Variants in TP63 observed in about 807,000 individuals in gnomAD.
The protein encoded by TP63 is tumor protein 63.
TP63 carries 17 observed loss-of-function variants against 82.8 expected under a neutral mutation model. The observed-to-expected ratio is 0.21, with a 90% confidence interval of 0.14 to 0.31. The LOEUF is 0.31. TP63 is among the 10% of genes least tolerant of loss of function. TP63 has a pLI of 1.00. For missense variants in TP63, 648 were observed against 895.3 expected (o/e 0.72, Z 3.52); for synonymous variants, 330 against 321.7 (o/e 1.03, Z -0.28).
chr3:189,710,772 G>T (rs1232268581), intron 1 of TP63, among the ~76,000 whole-genome samples: 5 of 152,122 alleles, frequency 3.3e-5, no homozygotes, highest in Non-Finnish European at 1.5e-5. Flanking sequence ...GACATGGGTT[G>T]CCAGATTTCC....
chr3:189,610,152 T>C, the TP63 span, among the ~76,000 whole-genome samples: 1 of 152,206 alleles, frequency 6.6e-6, no homozygotes, highest in South Asian at 2.1e-4. Context: ...TTTCAAATGC[T>C]TGTTGACTGC....
At chr3:189,644,437 C>A (rs966028902) in intron 1 of TP63, among the ~76,000 whole-genome samples, 2 of 152,092 alleles carry the variant, frequency 1.3e-5, no homozygotes, top group Admixed American at 1.3e-4. Context: ...TTCTGTTCAC[C>A]TACTAGACCC....
chr3:189,880,104 C>T lies in TP63; in HGVS notation c.1350-6290C>T, dbSNP rs369826042. ...CTTCAGGAATGAGCTTGTGGAGCCC[C>T]GGAGAGAAACTCCAAAACAATCTGA... is the stretch of plus-strand genomic sequence containing the variant. On this transcript the variant is annotated intron_variant, in intron 10 of 13. Transcript: ENST00000264731. 88 of 1,613,726 alleles carry T rather than the reference C, an allele frequency of 5.5e-5. No individual in the cohort carries two copies. Among genetic ancestry groups the T allele is most frequent in the Admixed American group, 6.7e-5 (4 of 59,992 alleles).
At position 189,716,032 on chromosome 3, in the gene TP63, C is replaced by T. The variant is rs116766046; in HGVS notation, c.63-21708C>T. ...AAAAACTATATACATCTCATTTACT[C>T]ATACAGCGATATAGCACATTAAATA... On this transcript the variant is annotated intron_variant, in intron 1 of 13. Coordinates refer to ENST00000264731, the MANE Select transcript of TP63 (RefSeq NM_003722.5). Among the ~76,000 whole-genome samples, 1,272 of 152,302 alleles carry T rather than the reference C, an allele frequency of 8.4e-3. 18 individuals carry two copies. The highest frequency in any genetic ancestry group is 0.028 in the African/African-American group (1,178 of 41,560).
intron 3 of TP63, among the ~76,000 whole-genome samples, chr3:189,754,822 A>G (rs974909208): frequency 5.9e-5 from 9 of 152,054 alleles, no homozygotes; most frequent in African/African-American, 2.2e-4. Context: ...TGCCATTATC[A>G]TCCTCCTTTT....
At chr3:189,840,359 C>CTTTTTTTTTTTTTTTTTTTTTTTTTTTTT in intron 4 of TP63, among the ~76,000 whole-genome samples, 9 of 44,442 alleles carry the variant, frequency 2.0e-4, no homozygotes, top group East Asian at 1.7e-3. Context: ...TGCTTTTCGT[C>CTTTTTTTTTTTTTTTTTTTTTTTTTTTTT]TTTTTTTTTT....
intron 1 of TP63, among the ~76,000 whole-genome samples, chr3:189,669,916 A>G (rs955453794): frequency 6.6e-6 from 1 of 152,074 alleles, no homozygotes; most frequent in Non-Finnish European, 1.5e-5. Flanking sequence ...GTAGGTTTAA[A>G]CATGGCTATA....
At chr3:189,744,195 G>A (rs188606264) in intron 3 of TP63, among the ~76,000 whole-genome samples, 1 of 152,074 alleles carries the variant, frequency 6.6e-6, no homozygotes. Flanking sequence ...CAACAGAGTA[G>A]CAGTGACACA....
In TP63 at chr3:189,754,940, A is replaced by T. The variant is rs567090197; in HGVS notation, c.324+16166A>T. Among the ~76,000 whole-genome samples the T allele has an allele frequency of 2.0e-5, 3 of 151,348 alleles. No individual in the cohort carries two copies. In the Admixed American group the frequency reaches 2.0e-4, roughly 10 times the overall value. On this transcript the variant is annotated intron_variant, in intron 3 of 13. Transcript: ENST00000264731. ...AAAACCGCTAAAATTCAGTGTAGGC[A>T]GATTTGATTAAAGGCTGCTGCTTTT...
intron 3 of TP63, among the ~76,000 whole-genome samples, chr3:189,803,331 G>A (rs531888472): frequency 6.6e-6 from 1 of 152,228 alleles, no homozygotes; most frequent in South Asian, 2.1e-4. Context: ...CAGATAAATT[G>A]GTGGAGAGAG....
the TP63 span, among the ~76,000 whole-genome samples, chr3:189,614,366 A>G: frequency 6.6e-6 from 1 of 152,134 alleles, no homozygotes; most frequent in African/African-American, 2.4e-5. Context: ...GCCTCCTGCC[A>G]TGATTCTGAG....
At chr3:189,620,715 G>C in the TP63 span, among the ~76,000 whole-genome samples, 2 of 152,172 alleles carry the variant, frequency 1.3e-5, no homozygotes, top group South Asian at 2.1e-4. Context: ...ACTAGGTTCA[G>C]TCCTTGGTTG....
chr3:189,656,882 T>G (rs1462171433), intron 1 of TP63, among the ~76,000 whole-genome samples: 2 of 152,068 alleles, frequency 1.3e-5, no homozygotes, highest in Non-Finnish European at 2.9e-5. Flanking sequence ...ACTTTATTAT[T>G]AGGGTTTGAA....
intron 9 of TP63, among the ~76,000 whole-genome samples, chr3:189,870,961 AT>A (rs908110165): frequency 6.6e-6 from 1 of 152,202 alleles, no homozygotes; most frequent in African/African-American, 2.4e-5. Flanking sequence ...CAGTAGACCA[AT>A]CAGACGGTGA....
intron 3 of TP63, among the ~76,000 whole-genome samples, chr3:189,757,075 A>G (rs1189315747): frequency 6.6e-6 from 1 of 152,204 alleles, no homozygotes; most frequent in Non-Finnish European, 1.5e-5. Context: ...ATATAGTTTC[A>G]ATCTGTAAAA....
At chr3:189,623,651 A>G in the TP63 span, among the ~76,000 whole-genome samples, 2 of 152,202 alleles carry the variant, frequency 1.3e-5, no homozygotes, top group Non-Finnish European at 2.9e-5. Flanking sequence ...AAGAATATTC[A>G]TGTTGAATCC....
the TP63 span, among the ~76,000 whole-genome samples, chr3:189,607,194 G>A: frequency 2.6e-5 from 4 of 152,300 alleles, no homozygotes; most frequent in Admixed American, 6.5e-5. Context: ...CTGAGAAGGC[G>A]TGAAGACTTA....
intron 5 of TP63, among the ~76,000 whole-genome samples, chr3:189,865,369 C>A (rs1052072075): frequency 6.6e-6 from 1 of 152,190 alleles, no homozygotes; most frequent in Non-Finnish European, 1.5e-5. Context: ...TCATATTCTA[C>A]ATCTCAGATC....
chr3:189,743,544 G>A (rs572181304), intron 3 of TP63, among the ~76,000 whole-genome samples: 2 of 151,632 alleles, frequency 1.3e-5, no homozygotes, highest in Admixed American at 6.6e-5. Context: ...ACACAGAAAT[G>A]AAGGCTTCAT....
Sources: allele counts gnomAD v4.1 joint callset (sites outside exome capture counted in the v4.1 genomes callset), GRCh38; gene constraint gnomAD v4.1.1; transcripts MANE v1.5; gene names NCBI Gene and HGNC (gene_info 2026-07-23, HGNC 2026-07-21).